IPCEF1: variants seen among roughly 807,000 people sequenced by gnomAD.
IPCEF1 encodes the protein interaction protein for cytohesin exchange factors 1.
Under a neutral mutation model 50.9 loss-of-function variants are expected in IPCEF1, and 31 were observed. That is an observed-to-expected ratio of 0.61 (90% CI 0.46 to 0.82). The LOEUF is 0.82. Ranked by LOEUF, IPCEF1 falls within the 40% of genes least tolerant of loss-of-function variation. The probability of loss-of-function intolerance (pLI) is 0.00; values close to 1 mark genes in which losing one functional copy is unlikely to be tolerated. For missense variants in IPCEF1, 458 were observed against 514.0 expected, an observed-to-expected ratio of 0.89 and a Z score of 1.05; for synonymous variants, 181 against 192.0, an observed-to-expected ratio of 0.94 and a Z score of 0.47.
At chr6:154,212,900 C>T (rs760317455) in intron 8 of IPCEF1, 45 bp from the exon 9 acceptor site, 23 of 1,311,398 alleles carry the variant, frequency 1.8e-5, no homozygotes, top group Non-Finnish European at 2.3e-5. Context: ...GCTGTCATCG[C>T]TTATTCCATA....
intron 10 of IPCEF1, among the ~76,000 whole-genome samples, chr6:154,182,750 T>A (rs900044279): frequency 2.6e-5 from 4 of 152,098 alleles, no homozygotes; most frequent in Non-Finnish European, 5.9e-5. Context: ...GCATTGTAGA[T>A]AAATATGTTA....
At chr6:154,300,127 A>T (rs1461096670) in intron 1 of IPCEF1, among the ~76,000 whole-genome samples, 1 of 141,704 alleles carries the variant, frequency 7.1e-6, no homozygotes, top group Non-Finnish European at 1.6e-5. Flanking sequence ...AAGAACAATT[A>T]CTTTACAACT....
chr6:154,286,838 C>T (rs968426202), intron 2 of IPCEF1, among the ~76,000 whole-genome samples: 4 of 152,194 alleles, frequency 2.6e-5, no homozygotes, highest in Admixed American at 2.6e-4. Context: ...AGGCCAGGGC[C>T]GATGACAAGA....
chr6:154,270,465 G>T (rs911409461), intron 2 of IPCEF1, among the ~76,000 whole-genome samples: 3 of 152,102 alleles, frequency 2.0e-5, no homozygotes, highest in African/African-American at 7.2e-5. Context: ...TGTGTATGTT[G>T]CATAATTGGG....
At chr6:154,288,667 CAAAA>C (rs552235190) in intron 2 of IPCEF1, among the ~76,000 whole-genome samples, 3,719 of 112,786 alleles carry the variant, frequency 0.033, 207 homozygotes, top group African/African-American at 0.097. Context: ...GTCTAAAAAA[CAAAA>C]AAAACAAAAA....
chr6:154,321,530 C>G (rs893046542), intron 1 of IPCEF1, among the ~76,000 whole-genome samples: 3 of 151,992 alleles, frequency 2.0e-5, no homozygotes, highest in African/African-American at 7.2e-5. Flanking sequence ...GTAATCCCAG[C>G]ACTTTGGGAG....
chr6:154,353,027 C>G (rs1453046321), intron 1 of IPCEF1, among the ~76,000 whole-genome samples: 2 of 152,192 alleles, frequency 1.3e-5, no homozygotes, highest in Non-Finnish European at 2.9e-5. Flanking sequence ...TCATGTCATT[C>G]TAGGAATTAA....
At chr6:154,277,782 C>A (rs989729671) in intron 2 of IPCEF1, among the ~76,000 whole-genome samples, 26 of 152,234 alleles carry the variant, frequency 1.7e-4, no homozygotes, top group African/African-American at 5.8e-4. Context: ...GTTTCCATTC[C>A]TTTATAGACT....
intron 11 of IPCEF1, among the ~76,000 whole-genome samples, chr6:154,164,085 G>A (rs896438382): frequency 2.0e-5 from 3 of 152,122 alleles, no homozygotes; most frequent in Admixed American, 6.5e-5. Context: ...TGCTATTAAT[G>A]TAAAGTTATT....
At chr6:154,345,705 C>T (rs555296490) in intron 1 of IPCEF1, among the ~76,000 whole-genome samples, 75 of 152,152 alleles carry the variant, frequency 4.9e-4, no homozygotes, top group African/African-American at 1.7e-3. Flanking sequence ...TCTGAGCTTT[C>T]CTATGGTCAG....
At chr6:154,247,945 T>C (rs915780135) in intron 3 of IPCEF1, among the ~76,000 whole-genome samples, 1 of 152,244 alleles carries the variant, frequency 6.6e-6, no homozygotes, top group African/African-American at 2.4e-5. Flanking sequence ...GTCACTTGAC[T>C]ATTCAGCTCA....
At chr6:154,249,098 T>C (rs1018782910) in intron 3 of IPCEF1, among the ~76,000 whole-genome samples, 1 of 152,180 alleles carries the variant, frequency 6.6e-6, no homozygotes, top group Non-Finnish European at 1.5e-5. Flanking sequence ...AAGATGGCAG[T>C]AATTACCTTA....
At chr6:154,171,832 C>G (rs1799895437) in intron 10 of IPCEF1, among the ~76,000 whole-genome samples, 2 of 152,098 alleles carry the variant, frequency 1.3e-5, no homozygotes, top group Admixed American at 6.5e-5. Flanking sequence ...TTTTAAGACA[C>G]AGTAATTTTA....
intron 5 of IPCEF1, among the ~76,000 whole-genome samples, chr6:154,234,828 C>A (rs1293562802): frequency 6.6e-6 from 1 of 152,126 alleles, no homozygotes; most frequent in African/African-American, 2.4e-5. Context: ...TAGTAATTAC[C>A]TTCTGAAATG....
At chr6:154,284,329 T>C (rs543842085) in intron 2 of IPCEF1, among the ~76,000 whole-genome samples, 3 of 152,328 alleles carry the variant, frequency 2.0e-5, no homozygotes, top group East Asian at 3.9e-4. Flanking sequence ...GGAAGGGTGT[T>C]GTATAGAGAT....
chr6:154,180,418 T>A (rs200074751), intron 10 of IPCEF1, among the ~76,000 whole-genome samples: 425 of 42,274 alleles, frequency 0.01, 1 homozygote, highest in Middle Eastern at 0.02. Flanking sequence ...ATATATATTT[T>A]TTTTTTAAAC....
At chr6:154,189,927 G>C (rs1315973004) in intron 10 of IPCEF1, among the ~76,000 whole-genome samples, 1 of 150,186 alleles carries the variant, frequency 6.7e-6, no homozygotes, top group African/African-American at 2.5e-5. Context: ...CTGGGCGACA[G>C]AGTAAGACTC....
intron 2 of IPCEF1, among the ~76,000 whole-genome samples, chr6:154,281,696 C>T (rs1477587384): frequency 6.6e-6 from 1 of 151,912 alleles, no homozygotes; most frequent in Non-Finnish European, 1.5e-5. Flanking sequence ...CCCGTCTCTA[C>T]TGAAAATATA....
chr6:154,294,492 G>T (rs2128670930), intron 1 of IPCEF1, among the ~76,000 whole-genome samples: 1 of 152,218 alleles, frequency 6.6e-6, no homozygotes, highest in Non-Finnish European at 1.5e-5. Flanking sequence ...CAGTGAGACA[G>T]CCAAGTATAA....
Sources: gnomAD v4.1 joint callset for allele counts (sites outside exome capture counted in the v4.1 genomes callset) on GRCh38, gnomAD v4.1.1 for gene constraint, MANE v1.5 for transcripts, NCBI Gene and HGNC (gene_info 2026-07-23, HGNC 2026-07-21) for gene names.